The following PCDH7 variants were observed in gnomAD, a reference collection of about 807,000 sequenced individuals.
PCDH7 encodes the protein protocadherin-7.
In PCDH7, 17 loss-of-function variants were observed where a neutral mutation model predicts 58.9. The observed-to-expected ratio is 0.29, with a 90% CI of 0.20 to 0.43. The LOEUF is 0.43. Ranked by LOEUF, PCDH7 falls within the 20% of genes least tolerant of loss-of-function variation. The pLI is 1.00. For missense variants in PCDH7, 1,274 were observed against 1,441.0 expected (o/e 0.88, Z 1.88); for synonymous variants, 664 against 616.4 (o/e 1.08, Z -1.14).
At chr4:30,945,059 A>C (rs1291180985) in intron 2 of PCDH7, among the ~76,000 whole-genome samples, 3 of 152,130 alleles carry the variant, frequency 2.0e-5, no homozygotes, top group Admixed American at 6.5e-5. Flanking sequence ...TCTCAGCTCC[A>C]GTTATGGAAA....
intron 3 of PCDH7, among the ~76,000 whole-genome samples, chr4:31,114,690 G>C (rs1477616960): frequency 6.6e-6 from 1 of 150,948 alleles, no homozygotes; most frequent in African/African-American, 2.4e-5. Flanking sequence ...GAGGGAGGAG[G>C]AAGAGAGAGG....
In PCDH7 at chr4:31,033,877, G is replaced by A. The variant is rs9996780; in HGVS notation, c.*7+83662G>A. 7.5e-3 allele frequency among the ~76,000 whole-genome samples: 1,143 copies of A among 152,014 alleles called. 14 individuals are homozygous for A. Among genetic ancestry groups the A allele is most frequent in the African/African-American group, 0.026 (1,083 of 41,474 alleles). ...GAGAGGCTGAGGTGGGCAGATCACC[G>A]GAGGTCAGGAGTTCGAGACCAGCCT... On this transcript the variant is annotated intron_variant, in intron 3 of 3. Coordinates refer to the PCDH7 transcript ENST00000509759.
At chr4:30,821,211 A>T (rs1022964919) in intron 1 of PCDH7, among the ~76,000 whole-genome samples, 3 of 152,168 alleles carry the variant, frequency 2.0e-5, no homozygotes, top group Non-Finnish European at 4.4e-5. Flanking sequence ...GGTATGTCTG[A>T]TTCTGAAAAT....
intron 1 of PCDH7, chr4:30,869,199 T>A (rs1735239737): frequency 6.6e-6 from 1 of 152,126 alleles, no homozygotes; most frequent in Non-Finnish European, 1.5e-5. Context: ...AAGAATTTTG[T>A]TAACAAGAAC....
At chr4:30,935,227 T>C (rs1421949080) in intron 2 of PCDH7, 1 of 432,932 alleles carries the variant, frequency 2.3e-6, no homozygotes, top group Non-Finnish European at 3.1e-6. Flanking sequence ...TGATAACTAG[T>C]TCTACAACAA....
intron 1 of PCDH7, chr4:30,730,711 A>AT (rs544599545): frequency 4.2e-4 from 615 of 1,464,324 alleles, no homozygotes; most frequent in Admixed American, 7.0e-4. Context: ...TTCTTTATCG[A>AT]TTTTTTTTTA....
At chr4:30,920,025 A>G (rs1312847813) in intron 1 of PCDH7, 128 bp from the exon 2 acceptor site, 11 of 547,580 alleles carry the variant, frequency 2.0e-5, no homozygotes, top group Non-Finnish European at 3.2e-5. Context: ...TGCAGTTTCA[A>G]CATATCTATT....
At chr4:30,836,536 T>C (rs1343324976) in intron 1 of PCDH7, among the ~76,000 whole-genome samples, 1 of 152,220 alleles carries the variant, frequency 6.6e-6, no homozygotes, top group African/African-American at 2.4e-5. Context: ...GAATAACCAA[T>C]GCTGCCCAGG....
At position 31,135,765 on chromosome 4, in the gene PCDH7, TAA is replaced by T. The variant is rs549841093; in HGVS notation, c.*8-6707_*8-6706del. Among the ~76,000 whole-genome samples the T allele has an allele frequency of 9.1e-4, 138 of 152,142 alleles. 1 individual carries two copies. Among genetic ancestry groups the T allele is most frequent in the African/African-American group, 3.2e-3 (134 of 41,486 alleles). ...TAGTAAAACATATGAATATTCACAC[TAA>T]GTGAGACAAAAAAGATGCAAATAGC... On this transcript the variant is annotated intron_variant, in intron 3 of 3. Transcript: ENST00000509759.
chr4:31,142,528 T>C (rs1578910114), exon 4 of PCDH7: 1 of 1,367,758 alleles, frequency 7.3e-7, no homozygotes, highest in South Asian at 1.1e-5. Flanking sequence ...GTGAGTGTGA[T>C]GAGTATGGCC....
rs753511967 is a variant in PCDH7, at chr4:30,722,526, C to T, written c.1104C>T (p.Ser368=). 2 of 1,610,776 alleles carry T rather than the reference C, an allele frequency of 1.2e-6. No individual in the cohort carries two copies. The highest frequency in any genetic ancestry group is 1.7e-6 in the Non-Finnish European group (2 of 1,179,192). Residue 368 remains serine, a synonymous_variant, in exon 1 of 2, where the codon AGC becomes AGT. Transcript: ENST00000361762. The surrounding 1 kb of genome is among the most constrained non-coding windows in gnomAD (Gnocchi z 7.6). ...TTGACGAGACGTCCGGCTGGCTCAG[C>T]GTCCTGCACCGGATCGACCGCGAGG...
intron 3 of PCDH7, among the ~76,000 whole-genome samples, chr4:30,986,935 C>T (rs2109117915): frequency 6.6e-6 from 1 of 151,976 alleles, no homozygotes; most frequent in South Asian, 2.1e-4. Flanking sequence ...GAGCCGAGAT[C>T]ACGCCACTGC....
At chr4:30,964,277 T>C (rs1748780429) in intron 3 of PCDH7, among the ~76,000 whole-genome samples, 1 of 151,164 alleles carries the variant, frequency 6.6e-6, no homozygotes, top group African/African-American at 2.4e-5. Context: ...AATCTGGCTC[T>C]GTCTCCCAGG....
At chr4:30,823,670 T>C (rs1345713545) in intron 1 of PCDH7, among the ~76,000 whole-genome samples, 2 of 152,192 alleles carry the variant, frequency 1.3e-5, no homozygotes, top group East Asian at 3.9e-4. Flanking sequence ...GAAATCATAT[T>C]ATGGAAACAC....
intron 1 of PCDH7, among the ~76,000 whole-genome samples, chr4:30,887,411 A>G (rs779595598): frequency 1.3e-5 from 2 of 152,136 alleles, no homozygotes; most frequent in Non-Finnish European, 2.9e-5. Context: ...TTTATATCCT[A>G]AGAGTTCAGA....
At chr4:31,035,246 CCTT>C (rs1755298849) in intron 3 of PCDH7, among the ~76,000 whole-genome samples, 1 of 144,344 alleles carries the variant, frequency 6.9e-6, no homozygotes, top group Non-Finnish European at 1.5e-5. Context: ...TCCTTTTTTC[CCTT>C]TTTTTTTTTT....
intron 1 of PCDH7, among the ~76,000 whole-genome samples, chr4:30,804,552 G>T (rs1203978652): frequency 1.4e-5 from 2 of 140,580 alleles, no homozygotes; most frequent in South Asian, 2.3e-4. Flanking sequence ...AAAAAAAAAA[G>T]ATGTCAGGCA....
At chr4:31,005,123 A>G (rs1180135598) in intron 3 of PCDH7, among the ~76,000 whole-genome samples, 1 of 152,214 alleles carries the variant, frequency 6.6e-6, no homozygotes, top group African/African-American at 2.4e-5. Flanking sequence ...GATTTCTTGA[A>G]TTTCAAATGG....
intron 3 of PCDH7, among the ~76,000 whole-genome samples, chr4:31,005,767 T>G (rs1343061609): frequency 1.3e-5 from 2 of 152,190 alleles, no homozygotes; most frequent in African/African-American, 4.8e-5. Context: ...CTATTAGCCA[T>G]GTACAGCTAT....
Sources: gnomAD v4.1 joint callset for allele counts (sites outside exome capture counted in the v4.1 genomes callset) on GRCh38, gnomAD v4.1.1 for gene constraint, Gnocchi (gnomAD v3.1) non-coding constraint, MANE v1.5 for transcripts, NCBI Gene and HGNC (gene_info 2026-07-23, HGNC 2026-07-21) for gene names.